USP42: variants seen among roughly 807,000 people sequenced by gnomAD.
USP42 encodes ubiquitin carboxyl-terminal hydrolase 42.
USP42 carries 23 observed loss-of-function variants against 113.0 expected under a neutral mutation model. The observed-to-expected ratio is 0.20, with a 90% CI of 0.15 to 0.29. The LOEUF is 0.29. Among genes scored for constraint, USP42 ranks in the 10% least tolerant of loss-of-function variants. The pLI, the probability that USP42 is intolerant of heterozygous loss-of-function variation, is 1.00. For missense variants in USP42, 2,174 were observed against 1,779.8 expected, an observed-to-expected ratio of 1.22 and a Z score of -3.99; for synonymous variants, 933 against 699.0, an observed-to-expected ratio of 1.33 and a Z score of -5.28.
chr7:6,112,966 C>T (rs1291829648), intron 2 of USP42, among the ~76,000 whole-genome samples: 5 of 146,038 alleles, frequency 3.4e-5, no homozygotes, highest in African/African-American at 5.2e-5. Context: ...TGCAGTGGCG[C>T]GATCTCGGCT....
chr7:6,151,577 A>G (rs1009927432), intron 14 of USP42, among the ~76,000 whole-genome samples: 23 of 152,194 alleles, frequency 1.5e-4, no homozygotes, highest in African/African-American at 5.6e-4. Context: ...AGCTGGGACT[A>G]CAGGCATGCG....
chr7:6,095,113 G>A, the USP42 span, among the ~76,000 whole-genome samples: 2 of 151,218 alleles, frequency 1.3e-5, 1 homozygote, highest in African/African-American at 4.9e-5. Context: ...TGCTACAATA[G>A]CTCTTAATGC....
Position 6,159,393 on chromosome 7 carries a change from G to A in USP42, c.3944-57G>A, listed in dbSNP as rs563675259. On this transcript the variant is annotated intron_variant, in intron 16 of 17. Transcript: ENST00000306177. This position sits in a 1 kb window ranked among gnomAD's most constrained non-coding sequence, Gnocchi z 4.1. ...CCACTTAACGCACACACACAGCAGA[G>A]GCCCTGGCGATTTTGCAACCATCAT... 1.2e-6 allele frequency: 2 copies of A among 1,612,900 alleles called. No homozygotes were observed. Among genetic ancestry groups the A allele is most frequent in the East Asian group, 2.2e-5 (1 of 44,868 alleles).
chr7:6,122,332 CTGGAGTGCAG>C (rs1349632510), intron 3 of USP42, among the ~76,000 whole-genome samples: 1 of 148,976 alleles, frequency 6.7e-6, no homozygotes, highest in Non-Finnish European at 1.5e-5. Context: ...GTTGCCTAGG[CTGGAGTGCAG>C]TGGTGTCATC....
At position 6,154,244 on chromosome 7, in the gene USP42, A is replaced by C; in HGVS notation, c.2690A>C (p.Glu897Ala). 1 of 1,603,536 alleles carries C rather than the reference A, an allele frequency of 6.2e-7. No homozygotes were observed. The highest frequency in any genetic ancestry group is 1.1e-5 in the South Asian group (1 of 90,380). Residue 897 changes from glutamate (E) to alanine (A), a missense_variant, in exon 15 of 18, where the codon GAG becomes GCG. By Grantham distance (107) the Glu-to-Ala change is moderately radical (BLOSUM62 -1). Coordinates refer to ENST00000306177, the MANE Select transcript of USP42 (RefSeq NM_032172.3). ...AGCTTGGGCGCACCCGAGGCCGCAG[A>C]GCGGCCGCCAGCTCCTGTGCTGGAC... ...SQSLGAPEAA[E>A]RPPAPVLDMA...
chr7:6,103,233 C>A (rs1202375325), upstream of USP42, among the ~76,000 whole-genome samples: 1 of 150,864 alleles, frequency 6.6e-6, no homozygotes, highest in African/African-American at 2.5e-5. Flanking sequence ...GTCTCCTAAG[C>A]CTGTACAATG....
the USP42 span, among the ~76,000 whole-genome samples, chr7:6,093,335 G>T: frequency 6.7e-5 from 10 of 148,522 alleles, no homozygotes; most frequent in Non-Finnish European, 1.2e-4. Context: ...GCCCAGGCTG[G>T]AGTGCAGTGG....
chr7:6,095,125 G>C, the USP42 span, among the ~76,000 whole-genome samples: 3 of 151,258 alleles, frequency 2.0e-5, no homozygotes, highest in Non-Finnish European at 4.4e-5. Flanking sequence ...TCTTAATGCT[G>C]TAAGTCAAGG....
chr7:6,082,083 A>G, the USP42 span, among the ~76,000 whole-genome samples: 1 of 151,802 alleles, frequency 6.6e-6, no homozygotes, highest in African/African-American at 2.4e-5. Flanking sequence ...CTATATATAC[A>G]TATACGTGTA....
At chr7:6,100,281 T>G (rs1790079814), upstream of USP42, among the ~76,000 whole-genome samples, 1 of 150,870 alleles carries the variant, frequency 6.6e-6, no homozygotes. Context: ...CTGATACTGT[T>G]GCCCAGCTGT....
In USP42 at chr7:6,161,031, A is replaced by T. The variant is rs769840226; in HGVS notation, c.*513A>T. On this transcript the variant is annotated 3_prime_UTR_variant, in exon 18 of 18. Coordinates refer to ENST00000306177, the MANE Select transcript of USP42 (RefSeq NM_032172.3). The stretch of plus-strand genomic sequence containing the variant: ...TCTGTAATGTCTGATACTAGAAACT[A>T]ATTTGCTTATTTTAGTTGTATTCAA... The T allele has an allele frequency of 6.6e-6, 1 of 152,618 alleles. No homozygotes were observed. The highest frequency in any genetic ancestry group is 1.5e-5 in the Non-Finnish European group (1 of 68,044). The allele number at this position is 152,618 out of a possible 1,614,324, so 9.5% of individuals were successfully genotyped here.
the USP42 span, among the ~76,000 whole-genome samples, chr7:6,098,194 C>T: frequency 6.0e-5 from 9 of 150,078 alleles, no homozygotes; most frequent in African/African-American, 2.2e-4. Context: ...TGAGCCACCG[C>T]GCCCAGCCCA....
In USP42 at chr7:6,159,899, C is replaced by G. The variant is rs763671686; in HGVS notation, c.*36+406C>G. Among the ~76,000 whole-genome samples the G allele has an allele frequency of 1.3e-5, 2 of 152,208 alleles. No individual in the cohort carries two copies. The highest frequency in any genetic ancestry group is 1.3e-4 in the Admixed American group (2 of 15,284). On this transcript the variant is annotated intron_variant, in intron 17 of 17. Coordinates refer to ENST00000306177, the MANE Select transcript of USP42 (RefSeq NM_032172.3). This position sits in a 1 kb window ranked among gnomAD's most constrained non-coding sequence, Gnocchi z 4.1. Reference sequence around the variant, plus strand: ...CGGAGCCTTGCTCCCTCGTCCGTCCCGTCCCCTGTGCTGCTGTCTGCGCCC... The same window carrying G: ...CGGAGCCTTGCTCCCTCGTCCGTCCGGTCCCCTGTGCTGCTGTCTGCGCCC...
In USP42 at chr7:6,139,929, C is replaced by T. The variant is rs989540601; in HGVS notation, c.657-199C>T. ...CAGCTCCCACAGCTCTGCGTCTCCT[C>T]CCGCCACTCCCAGACCTCCCTGTGT... is the stretch of plus-strand genomic sequence containing the variant. On this transcript the variant is annotated intron_variant, in intron 5 of 17. Coordinates refer to ENST00000306177, the MANE Select transcript of USP42 (RefSeq NM_032172.3). The surrounding 1 kb of genome is among the most constrained non-coding windows in gnomAD (Gnocchi z 4.5). The T allele has an allele frequency of 3.3e-6, 2 of 610,088 alleles. No homozygotes were observed. Among genetic ancestry groups the T allele is most frequent in the African/African-American group, 3.7e-5 (2 of 53,976 alleles). 37.8% of individuals were successfully genotyped at this position (610,088 alleles called of 1,614,324 possible).
chr7:6,097,791 C>T, the USP42 span, among the ~76,000 whole-genome samples: 1 of 150,408 alleles, frequency 6.6e-6, no homozygotes, highest in East Asian at 1.9e-4. Flanking sequence ...GGGGTTTTAC[C>T]ATGTTAGCAA....
chr7:6,091,677 GCATACACA>G, the USP42 span, among the ~76,000 whole-genome samples: 3 of 52,574 alleles, frequency 5.7e-5, no homozygotes, highest in Non-Finnish European at 1.4e-4. Flanking sequence ...CATTATGTTA[GCATACACA>G]CACACACACA....
At chr7:6,104,564 G>T (rs1011451027), upstream of USP42, among the ~76,000 whole-genome samples, 2 of 152,216 alleles carry the variant, frequency 1.3e-5, no homozygotes, top group African/African-American at 4.8e-5. Flanking sequence ...ACGCATCTGG[G>T]GTCAAGCGCA....
chr7:6,151,324 A>T (rs1386967325), intron 14 of USP42, among the ~76,000 whole-genome samples: 1 of 152,264 alleles, frequency 6.6e-6, no homozygotes, highest in Admixed American at 6.5e-5. Context: ...AACACACCTT[A>T]GCTTACTGTA....
chr7:6,094,302 TA>T, the USP42 span, among the ~76,000 whole-genome samples: 1 of 151,292 alleles, frequency 6.6e-6, no homozygotes, highest in Non-Finnish European at 1.5e-5. Flanking sequence ...GCCTCCTTAG[TA>T]GCTGGGACTA....
Sources: allele counts gnomAD v4.1 joint callset (sites outside exome capture counted in the v4.1 genomes callset), GRCh38; gene constraint gnomAD v4.1.1; non-coding constraint Gnocchi (gnomAD v3.1); transcripts MANE v1.5; gene names NCBI Gene and HGNC (gene_info 2026-07-23, HGNC 2026-07-21).